The following GPHN variants were observed in gnomAD, a reference collection of about 807,000 sequenced individuals.
The protein encoded by GPHN is gephyrin.
GPHN carries 17 observed loss-of-function variants against 95.5 expected under a neutral mutation model. The ratio of observed to expected loss-of-function variants is 0.18; its 90% CI spans 0.12 to 0.27. The LOEUF (loss-of-function observed/expected upper bound fraction) is 0.27, where lower values mean the gene tolerates loss of function less well. Among genes scored for constraint, GPHN ranks in the 10% least tolerant of loss-of-function variants. The probability of loss-of-function intolerance (pLI) is 1.00; values close to 1 mark genes in which losing one functional copy is unlikely to be tolerated. For synonymous variants in GPHN, 320 were observed against 322.5 expected (o/e 0.99, Z 0.08); for missense variants, 660 against 978.1 (o/e 0.67, Z 4.34).
chr14:67,232,665 A>AT, the GPHN span, among the ~76,000 whole-genome samples: 1 of 152,112 alleles, frequency 6.6e-6, no homozygotes, highest in African/African-American at 2.4e-5. Context: ...AAATCGCTCC[A>AT]TTTTCTTCAT....
intron 2 of GPHN, among the ~76,000 whole-genome samples, chr14:66,757,024 T>C (rs1235964810): frequency 1.3e-5 from 2 of 152,172 alleles, no homozygotes; most frequent in South Asian, 2.1e-4. Context: ...AAATTTTCTA[T>C]TATTTCATTA....
chr14:67,239,747 T>G, the GPHN span, among the ~76,000 whole-genome samples: 3 of 151,974 alleles, frequency 2.0e-5, no homozygotes, highest in African/African-American at 4.8e-5. Flanking sequence ...TCCCAGATAC[T>G]GGGGAGGCTG....
chr14:67,202,735 C>A, the GPHN span, among the ~76,000 whole-genome samples: 15 of 152,286 alleles, frequency 9.8e-5, no homozygotes, highest in South Asian at 2.9e-3. Context: ...GTGTACCTCC[C>A]AAGACCTAAC....
chr14:66,675,618 G>T (rs993501100), intron 1 of GPHN, among the ~76,000 whole-genome samples: 6 of 151,864 alleles, frequency 4.0e-5, no homozygotes, highest in Non-Finnish European at 8.8e-5. Flanking sequence ...TTTTAGTTTG[G>T]TATAGTTCCG....
At chr14:67,279,015 T>C in the GPHN span, 7 of 691,444 alleles carry the variant, frequency 1.0e-5, no homozygotes, top group East Asian at 2.2e-4. Flanking sequence ...TCTTTCCCCT[T>C]AGATTTCCTT....
At chr14:66,699,413 ATAT>A (rs1202040788) in intron 2 of GPHN, among the ~76,000 whole-genome samples, 11 of 152,024 alleles carry the variant, frequency 7.2e-5, no homozygotes, top group Admixed American at 3.3e-4. Flanking sequence ...AGTGATGATA[ATAT>A]TATATTAAAT....
chr14:66,959,960 C>T (rs1317305498), intron 8 of GPHN, among the ~76,000 whole-genome samples: 3 of 150,970 alleles, frequency 2.0e-5, no homozygotes, highest in African/African-American at 7.3e-5. Context: ...TTTTTTCTTT[C>T]TGATCCTCAG....
At chr14:67,514,672 C>T in the GPHN span, among the ~76,000 whole-genome samples, 2 of 152,136 alleles carry the variant, frequency 1.3e-5, no homozygotes, top group Admixed American at 1.3e-4. Flanking sequence ...CAGACTGTCA[C>T]CCCCCTCCAC....
chr14:67,524,554 A>G, the GPHN span, among the ~76,000 whole-genome samples: 1 of 152,176 alleles, frequency 6.6e-6, no homozygotes, highest in Non-Finnish European at 1.5e-5. Flanking sequence ...AATGGACCAC[A>G]CCCAGCTAGC....
intron 11 of GPHN, 160 bp downstream of exon 11, chr14:67,058,946 A>G: frequency 1.4e-6 from 1 of 716,566 alleles, no homozygotes; most frequent in Non-Finnish European, 2.4e-6. Context: ...AATAAGAAAA[A>G]GGCTAAGGGT....
chr14:67,334,299 G>A, the GPHN span: 6 of 152,558 alleles, frequency 3.9e-5, no homozygotes, highest in South Asian at 2.1e-4. Flanking sequence ...AAAATTCAAC[G>A]TATATAATTG....
At chr14:67,046,615 C>T (rs2075033111) in intron 10 of GPHN, among the ~76,000 whole-genome samples, 1 of 152,166 alleles carries the variant, frequency 6.6e-6, no homozygotes, top group African/African-American at 2.4e-5. Context: ...ACAGAAATCT[C>T]AGGAGAACTT....
chr14:66,713,004 A>AT (rs1187889598), intron 2 of GPHN, among the ~76,000 whole-genome samples: 4 of 151,278 alleles, frequency 2.6e-5, no homozygotes, highest in African/African-American at 9.7e-5. Context: ...TTTATTTTCT[A>AT]TTTTTTGCTA....
the GPHN span, among the ~76,000 whole-genome samples, chr14:67,519,396 G>A: frequency 6.6e-6 from 1 of 152,200 alleles, no homozygotes; most frequent in Non-Finnish European, 1.5e-5. Context: ...AGTAATCGAG[G>A]GTCTCCTCGG....
chr14:66,899,838 A>G (rs1439148391), intron 5 of GPHN, among the ~76,000 whole-genome samples: 2 of 151,922 alleles, frequency 1.3e-5, no homozygotes, highest in Non-Finnish European at 1.5e-5. Flanking sequence ...TGTAAAATGT[A>G]TATTAATTTT....
chr14:67,705,664 AT>A, the GPHN span, among the ~76,000 whole-genome samples: 1 of 152,350 alleles, frequency 6.6e-6, no homozygotes, highest in African/African-American at 2.4e-5. Flanking sequence ...GGTTTTGATC[AT>A]TGTTCTAAGG....
At chr14:66,912,622 A>G (rs2065725580) in intron 5 of GPHN, among the ~76,000 whole-genome samples, 1 of 152,038 alleles carries the variant, frequency 6.6e-6, no homozygotes, top group Admixed American at 6.6e-5. Flanking sequence ...ATCTTAGACT[A>G]TTATTCCTGA....
At chr14:67,563,093 G>A in the GPHN span, among the ~76,000 whole-genome samples, 3 of 152,218 alleles carry the variant, frequency 2.0e-5, no homozygotes, top group Admixed American at 1.3e-4. Context: ...TGTGAATGGC[G>A]GTTGGCTGTC....
chr14:66,991,660 T>C (rs2071429153), intron 9 of GPHN, among the ~76,000 whole-genome samples: 1 of 151,016 alleles, frequency 6.6e-6, no homozygotes, highest in South Asian at 2.1e-4. Flanking sequence ...GTATCCTCCC[T>C]ACTTGCGGGC....
Sources: allele counts gnomAD v4.1 joint callset (sites outside exome capture counted in the v4.1 genomes callset), GRCh38; gene constraint gnomAD v4.1.1; transcripts MANE v1.5; gene names NCBI Gene and HGNC (gene_info 2026-07-23, HGNC 2026-07-21).